OR51B5: variants seen among roughly 807,000 people sequenced by gnomAD.
The protein encoded by OR51B5 is olfactory receptor 51B5.
For missense variants in OR51B5, 456 were observed against 374.6 expected, an observed-to-expected ratio of 1.22 and a Z score of -1.79; for synonymous variants, 186 against 144.8, an observed-to-expected ratio of 1.28 and a Z score of -2.04.
At chr11:5,371,539 A>G (rs926193177) in intron 1 of OR51B5, among the ~76,000 whole-genome samples, 1 of 152,204 alleles carries the variant, frequency 6.6e-6, no homozygotes, top group African/African-American at 2.4e-5. Flanking sequence ...AAAGGGTTAC[A>G]TAAGTTTTAA....
chr11:5,479,311 T>G (rs1053957037), intron 1 of OR51B5, among the ~76,000 whole-genome samples: 10 of 151,094 alleles, frequency 6.6e-5, no homozygotes, highest in African/African-American at 2.4e-4. Context: ...AAGCAAATGC[T>G]GAGAGATTTT....
At chr11:5,359,649 A>G (rs1315350480) in intron 1 of OR51B5, among the ~76,000 whole-genome samples, 1 of 149,646 alleles carries the variant, frequency 6.7e-6, no homozygotes, top group Non-Finnish European at 1.5e-5. Flanking sequence ...ACTACTTTAA[A>G]GTTCATATGG....
At position 5,434,158 on chromosome 11, in the gene OR51B5, A is replaced by G. The variant is rs138378130; in HGVS notation, n.84+71411T>C. On this transcript the variant is annotated intron_variant and non_coding_transcript_variant, in intron 1 of 4. Coordinates refer to the OR51B5 transcript ENST00000415970. ...AGTAGAATCTCAGGGTGTAGTACCT[A>G]ATTATCAATGTTTTAAAGCTCCTCA... Among the ~76,000 whole-genome samples, 1,123 of 152,266 alleles carry G rather than the reference A, an allele frequency of 7.4e-3. 14 individuals are homozygous for G. Among genetic ancestry groups the G allele is most frequent in the African/African-American group, 0.026 (1,070 of 41,554 alleles).
At chr11:5,470,441 G>T (rs981154531) in intron 1 of OR51B5, among the ~76,000 whole-genome samples, 9 of 152,058 alleles carry the variant, frequency 5.9e-5, no homozygotes, top group African/African-American at 2.2e-4. Flanking sequence ...TAATACCTTG[G>T]AAATTATTGT....
chr11:5,431,060 G>A (rs1850527455), intron 1 of OR51B5: 2 of 453,632 alleles, frequency 4.4e-6, no homozygotes, highest in South Asian at 1.6e-5. Context: ...TCTGAGTGGA[G>A]GCAGTAGGAG....
At chr11:5,458,276 G>T (rs1237999297) in intron 1 of OR51B5, among the ~76,000 whole-genome samples, 2 of 152,112 alleles carry the variant, frequency 1.3e-5, no homozygotes, top group Non-Finnish European at 2.9e-5. Context: ...TCAGATGGTT[G>T]TAGGTGTGTG....
intron 1 of OR51B5, among the ~76,000 whole-genome samples, chr11:5,417,140 T>C (rs1157448138): frequency 6.6e-6 from 1 of 152,102 alleles, no homozygotes; most frequent in Non-Finnish European, 1.5e-5. Flanking sequence ...TGCAACTATC[T>C]GATCTTTGAC....
At chr11:5,421,026 A>G (rs1457188472) in intron 1 of OR51B5, among the ~76,000 whole-genome samples, 1 of 152,152 alleles carries the variant, frequency 6.6e-6, no homozygotes, top group East Asian at 1.9e-4. Flanking sequence ...CTAATTTTTG[A>G]GAGATTGTAC....
intron 1 of OR51B5, among the ~76,000 whole-genome samples, chr11:5,381,326 TC>T (rs1251749828): frequency 6.6e-6 from 1 of 152,212 alleles, no homozygotes. Context: ...CCTGAATGCC[TC>T]ACACTAATGT....
At chr11:5,371,315 T>C (rs1849444362) in intron 1 of OR51B5, among the ~76,000 whole-genome samples, 1 of 152,130 alleles carries the variant, frequency 6.6e-6, no homozygotes, top group Non-Finnish European at 1.5e-5. Flanking sequence ...TCAAAAAAAT[T>C]GAACATATAA....
chr11:5,476,740 C>A (rs987626092), intron 1 of OR51B5, among the ~76,000 whole-genome samples: 4 of 152,150 alleles, frequency 2.6e-5, no homozygotes, highest in Non-Finnish European at 4.4e-5. Context: ...GTTGTGTTAT[C>A]CTAGACAAGT....
intron 1 of OR51B5, chr11:5,453,624 C>A: frequency 6.2e-7 from 1 of 1,613,810 alleles, no homozygotes; most frequent in East Asian, 2.2e-5. Context: ...TACAGTGATC[C>A]TGCAGGCTGT....
At chr11:5,449,648 A>G (rs1040556183) in intron 1 of OR51B5, among the ~76,000 whole-genome samples, 10 of 152,176 alleles carry the variant, frequency 6.6e-5, no homozygotes, top group Non-Finnish European at 1.5e-4. Context: ...TCAAAGGTCA[A>G]AGTTTCTGTG....
chr11:5,366,175 C>A (rs751596047), intron 1 of OR51B5, among the ~76,000 whole-genome samples: 1 of 151,842 alleles, frequency 6.6e-6, no homozygotes, highest in Non-Finnish European at 1.5e-5. Context: ...ATAGAGCAAG[C>A]CTTAAGTAGG....
chr11:5,501,918 C>T (rs754894122), intron 1 of OR51B5, among the ~76,000 whole-genome samples: 12 of 121,226 alleles, frequency 9.9e-5, no homozygotes, highest in African/African-American at 1.3e-4. Context: ...CCTCCCCCAG[C>T]GCCCCCAACC....
At chr11:5,442,045 C>T (rs1226896564) in intron 1 of OR51B5, among the ~76,000 whole-genome samples, 2 of 152,136 alleles carry the variant, frequency 1.3e-5, no homozygotes, top group Non-Finnish European at 2.9e-5. Flanking sequence ...ACCTTCCAAC[C>T]TTCTCATGCC....
intron 1 of OR51B5, chr11:5,489,384 T>C (rs1851545046): frequency 6.2e-7 from 1 of 1,613,960 alleles, no homozygotes; most frequent in African/African-American, 1.3e-5. Flanking sequence ...TTATCCTCCA[T>C]GCAGTCTTTC....
intron 1 of OR51B5, chr11:5,489,768 A>C: frequency 1.3e-6 from 1 of 782,250 alleles, no homozygotes; most frequent in Non-Finnish European, 2.2e-6. Context: ...ATGACATGGC[A>C]GGAAGCTCTG....
chr11:5,454,293 C>G (rs374408838), intron 1 of OR51B5: 1 of 1,614,056 alleles, frequency 6.2e-7, no homozygotes, highest in Non-Finnish European at 8.5e-7. Flanking sequence ...GAAGCATGTC[C>G]CATGCTACAT....
Sources: allele counts gnomAD v4.1 joint callset (sites outside exome capture counted in the v4.1 genomes callset), GRCh38; gene constraint gnomAD v4.1.1; transcripts MANE v1.5; gene names NCBI Gene and HGNC (gene_info 2026-07-23, HGNC 2026-07-21).